Variants in SLIT1 observed in about 807,000 individuals in gnomAD.
The protein encoded by SLIT1 is slit guidance ligand 1.
SLIT1 carries 66 observed loss-of-function variants against 186.1 expected under a neutral mutation model. The ratio of observed to expected loss-of-function variants is 0.35; its 90% CI spans 0.29 to 0.44. The LOEUF (loss-of-function observed/expected upper bound fraction) is 0.44. Ranked by LOEUF, SLIT1 falls within the 20% of genes least tolerant of loss-of-function variation. The pLI is 1.00. For synonymous variants in SLIT1, 761 were observed against 833.8 expected (o/e 0.91, Z 1.50); for missense variants, 1,638 against 2,037.4 (o/e 0.80, Z 3.77).
At chr10:97,087,449 C>T (rs1386654131) in intron 4 of SLIT1, among the ~76,000 whole-genome samples, 2 of 152,230 alleles carry the variant, frequency 1.3e-5, no homozygotes, top group African/African-American at 4.8e-5. Context: ...TGCATGTCTG[C>T]AAGTCTCAAG....
Position 97,068,790 on chromosome 10 carries a change from T to A in SLIT1, c.414-2704A>T, listed in dbSNP as rs948449829. ...AGCTCCCCAGTGTAGTCTGTCAGTA[T>A]TCCTGGAGACATTCCCCAGATTCCG... On this transcript the variant is annotated intron_variant, in intron 4 of 36. Transcript: ENST00000266058. The surrounding 1 kb of genome is among the most constrained non-coding windows in gnomAD (Gnocchi z 4.2). Among the ~76,000 whole-genome samples the A allele has an allele frequency of 7.2e-5, 11 of 152,212 alleles. No individual in the cohort carries two copies. The highest frequency in any genetic ancestry group is 1.3e-4 in the Admixed American group (2 of 15,286).
chr10:97,155,722 A>G (rs889858856), intron 4 of SLIT1, among the ~76,000 whole-genome samples: 1 of 152,224 alleles, frequency 6.6e-6, no homozygotes, highest in Non-Finnish European at 1.5e-5. Flanking sequence ...AAGTAGGCAA[A>G]TCATGCCAGG....
chr10:97,168,136 G>C (rs1441007315), intron 1 of SLIT1, among the ~76,000 whole-genome samples: 1 of 152,070 alleles, frequency 6.6e-6, no homozygotes, highest in Non-Finnish European at 1.5e-5. Flanking sequence ...GGTGACCTTA[G>C]TTTCTTTTTT....
At chr10:97,097,163 T>C (rs1849300709) in intron 4 of SLIT1, among the ~76,000 whole-genome samples, 1 of 152,198 alleles carries the variant, frequency 6.6e-6, no homozygotes. Context: ...CACACACTCC[T>C]GCGTCTAACA....
At chr10:97,134,217 C>A (rs966796531) in intron 4 of SLIT1, among the ~76,000 whole-genome samples, 54 of 152,278 alleles carry the variant, frequency 3.5e-4, no homozygotes, top group African/African-American at 1.3e-3. Flanking sequence ...CCTGTGCCAC[C>A]CACCTCCTCC....
At chr10:97,103,927 G>A (rs767796557) in intron 4 of SLIT1, among the ~76,000 whole-genome samples, 3 of 152,174 alleles carry the variant, frequency 2.0e-5, no homozygotes, top group Non-Finnish European at 4.4e-5. Context: ...CCCACGGCGG[G>A]AGTGCAGACT....
intron 1 of SLIT1, among the ~76,000 whole-genome samples, chr10:97,168,618 C>T (rs1850149616): frequency 6.6e-6 from 1 of 152,190 alleles, no homozygotes; most frequent in African/African-American, 2.4e-5. Context: ...TACTGGACCA[C>T]TCCCTCCCTG....
rs370253466 is a variant in SLIT1, at chr10:97,064,157, G to A, written c.629+11C>T. On this transcript the variant is annotated intron_variant, in intron 7 of 36. Coordinates refer to ENST00000266058, the MANE Select transcript of SLIT1 (RefSeq NM_003061.3). ...TGGCTGCCCCGCTCCCAGCTGCCCC[G>A]GCTGACTCACAAGGTCCGTAGCTTG... The A allele has an allele frequency of 5.0e-5, 81 of 1,609,440 alleles. No individual in the cohort carries two copies. Among genetic ancestry groups the A allele is most frequent in the Non-Finnish European group, 5.9e-5 (70 of 1,177,554 alleles).
chr10:97,059,598 C>T (rs768579402), intron 10 of SLIT1, 67 bp from the exon 11 acceptor site: 1 of 1,159,838 alleles, frequency 8.6e-7, no homozygotes, highest in Non-Finnish European at 1.3e-6. Flanking sequence ...CTGCCCAGTC[C>T]CCTCCACCTC....
chr10:97,166,285 C>A (rs1280760049), intron 1 of SLIT1, among the ~76,000 whole-genome samples: 1 of 151,820 alleles, frequency 6.6e-6, no homozygotes, highest in African/African-American at 2.4e-5. Context: ...GAGGCCGAGG[C>A]GGGTGGATCA....
At chr10:97,066,148 C>T (rs917806383) in intron 4 of SLIT1, 62 bp from the exon 5 acceptor site, 6 of 1,341,810 alleles carry the variant, frequency 4.5e-6, no homozygotes, top group African/African-American at 1.4e-5. Flanking sequence ...CTGCAGAGTG[C>T]TGTGATAAGT....
chr10:97,056,748 G>A (rs1327701968), intron 12 of SLIT1, among the ~76,000 whole-genome samples: 1 of 134,962 alleles, frequency 7.4e-6, no homozygotes, highest in African/African-American at 3.2e-5. Context: ...GAGCCACCTT[G>A]TGAAGGCATT....
intron 4 of SLIT1, among the ~76,000 whole-genome samples, chr10:97,089,591 GAATGGA>G (rs1849207984): frequency 6.6e-6 from 1 of 152,198 alleles, no homozygotes; most frequent in Non-Finnish European, 1.5e-5. Flanking sequence ...GCAGAGGTGG[GAATGGA>G]ATTCTGGCCG....
chr10:97,046,911 G>C (rs974291063), intron 17 of SLIT1, 80 bp downstream of exon 17: 4 of 1,562,160 alleles, frequency 2.6e-6, no homozygotes, highest in Admixed American at 3.4e-5. Context: ...CGCCGTGGGA[G>C]CTGCCCCCAC....
intron 4 of SLIT1, among the ~76,000 whole-genome samples, chr10:97,091,941 A>G (rs1320358711): frequency 1.3e-5 from 2 of 152,242 alleles, no homozygotes; most frequent in East Asian, 3.8e-4. Flanking sequence ...CTTGCTCACA[A>G]TTCACACACT....
chr10:97,061,828 CT>C (rs1848896194), intron 8 of SLIT1, among the ~76,000 whole-genome samples: 1 of 152,190 alleles, frequency 6.6e-6, no homozygotes, highest in African/African-American at 2.4e-5. Context: ...TTAGTGGATC[CT>C]GCTAGACAGT....
intron 4 of SLIT1, among the ~76,000 whole-genome samples, chr10:97,086,997 G>A (rs1311279525): frequency 6.6e-6 from 1 of 151,994 alleles, no homozygotes; most frequent in Non-Finnish European, 1.5e-5. Context: ...GGCTGTGCTT[G>A]TGAGGGAATG....
intron 4 of SLIT1, among the ~76,000 whole-genome samples, chr10:97,074,046 C>T (rs1265326234): frequency 6.6e-6 from 1 of 152,118 alleles, no homozygotes; most frequent in African/African-American, 2.4e-5. Flanking sequence ...GAGTCAGCTG[C>T]TCTATCTGCA....
intron 1 of SLIT1, among the ~76,000 whole-genome samples, chr10:97,171,385 C>G (rs1443707888): frequency 6.6e-6 from 1 of 152,196 alleles, no homozygotes; most frequent in Non-Finnish European, 1.5e-5. Context: ...ACCTCACAGG[C>G]TCCCCACATT....
Sources: gnomAD v4.1 joint callset for allele counts (sites outside exome capture counted in the v4.1 genomes callset) on GRCh38, gnomAD v4.1.1 for gene constraint, Gnocchi (gnomAD v3.1) non-coding constraint, MANE v1.5 for transcripts, NCBI Gene and HGNC (gene_info 2026-07-23, HGNC 2026-07-21) for gene names.